The following SHISA8 variants were observed in gnomAD, a reference collection of about 807,000 sequenced individuals.
SHISA8 encodes shisa family member 8.
A neutral mutation model predicts 21.1 loss-of-function variants in SHISA8; 21 were observed. That is an observed-to-expected ratio of 0.99 (90% CI 0.71 to 1.43). The LOEUF (loss-of-function observed/expected upper bound fraction) is 1.43. Ranked by LOEUF, SHISA8 falls within the 40% of genes most tolerant of loss-of-function variation. The pLI is 0.00. For synonymous variants in SHISA8, 300 were observed against 291.4 expected (o/e 1.03, Z -0.30); for missense variants, 535 against 599.1 (o/e 0.89, Z 1.12).
chr22:41,909,593 T>G lies in SHISA8; in HGVS notation c.*172A>C. The G allele has an allele frequency of 1.2e-6, 1 of 847,370 alleles. No individual in the cohort carries two copies. The highest frequency in any genetic ancestry group is 1.6e-6 in the Non-Finnish European group (1 of 619,412). 52.5% of individuals were successfully genotyped at this position (847,370 alleles called of 1,614,324 possible). ...TTTATTCTCAGGGGCAGGAACCACATAAAAGGGCTTATTTACAAGACGAAC... is the reference window on the plus strand; with the variant it reads ...TTTATTCTCAGGGGCAGGAACCACAGAAAAGGGCTTATTTACAAGACGAAC... On this transcript the variant is annotated 3_prime_UTR_variant, in exon 4 of 4. Coordinates refer to ENST00000621082, the MANE Select transcript of SHISA8 (RefSeq NM_001207020.3).
At position 41,909,596 on chromosome 22, in the gene SHISA8, AAG is replaced by A; in HGVS notation, c.*167_*168del. 1.1e-6 allele frequency: 1 copy of A among 874,210 alleles called. No homozygotes were observed. The highest frequency in any genetic ancestry group is 3.3e-5 in the East Asian group (1 of 30,392). 54.2% of individuals were successfully genotyped at this position (874,210 alleles called of 1,614,324 possible). On this transcript the variant is annotated 3_prime_UTR_variant, in exon 4 of 4. Transcript: ENST00000621082. The stretch of plus-strand genomic sequence containing the variant: ...ATTCTCAGGGGCAGGAACCACATAA[AAG>A]GGCTTATTTACAAGACGAACCCGCG...
chr22:41,913,143 G>A (rs2077562597), intron 1 of SHISA8, among the ~76,000 whole-genome samples: 1 of 152,248 alleles, frequency 6.6e-6, no homozygotes, highest in African/African-American at 2.4e-5. Flanking sequence ...GAGAAAGTGG[G>A]CTACGTGGTT....
intron 1 of SHISA8, among the ~76,000 whole-genome samples, chr22:41,913,326 T>G (rs1375743986): frequency 6.6e-6 from 1 of 152,234 alleles, no homozygotes; most frequent in East Asian, 1.9e-4. Context: ...CAAAGGGTGC[T>G]GGGACCGGGT....
chr22:41,912,605 G>A (rs2077559719), intron 1 of SHISA8, among the ~76,000 whole-genome samples: 1 of 152,138 alleles, frequency 6.6e-6, no homozygotes. Context: ...CCTCTGAGAA[G>A]CCTTCCCTGG....
chr22:41,914,681 C>T lies in SHISA8; in HGVS notation c.-14G>A, dbSNP rs1011071974. On this transcript the variant is annotated 5_prime_UTR_variant, in exon 1 of 4. Coordinates refer to ENST00000621082, the MANE Select transcript of SHISA8 (RefSeq NM_001207020.3). The surrounding 1 kb of genome is among the most constrained non-coding windows in gnomAD (Gnocchi z 6.8). ...GGCCCGCGCCATCGGGCCCGCGCCT[C>T]CCGCTACTGCGCCCGGTGCATGGCC... The T allele has an allele frequency of 1.1e-4, 116 of 1,016,830 alleles. 2 individuals are homozygous for T. Among genetic ancestry groups the T allele is most frequent in the Non-Finnish European group, 1.1e-5 (9 of 852,240 alleles). The allele number at this position is 1,016,830 out of a possible 1,614,324, so 63.0% of individuals were successfully genotyped here. A position where few individuals can be genotyped will look rare whatever the true frequency, so the allele number is the denominator to read the frequency against.
At chr22:41,911,155 C>T in intron 2 of SHISA8, 61 bp downstream of exon 2, 2 of 1,251,930 alleles carry the variant, frequency 1.6e-6, no homozygotes, top group Non-Finnish European at 2.0e-6. Context: ...GACCGCCTCT[C>T]GGCCTCTCAC....
rs1255674474 is a variant in SHISA8 at position 41,914,999 on chromosome 22, G to T, written c.-332C>A. Reference sequence around the variant, plus strand: ...GGCAGGTGTGCGGGTCTTGGCCCTAGCGGAGGCCGCGCCGGGGCCGCGGGC... The same window carrying T: ...GGCAGGTGTGCGGGTCTTGGCCCTATCGGAGGCCGCGCCGGGGCCGCGGGC... On this transcript the variant is annotated 5_prime_UTR_variant, in exon 1 of 4. Coordinates refer to ENST00000621082, the MANE Select transcript of SHISA8 (RefSeq NM_001207020.3). The surrounding 1 kb of genome is among the most constrained non-coding windows in gnomAD (Gnocchi z 6.8). Among the ~76,000 whole-genome samples the T allele has an allele frequency of 6.6e-6, 1 of 151,792 alleles. No homozygotes were observed. The highest frequency in any genetic ancestry group is 2.4e-5 in the African/African-American group (1 of 41,376).
Position 41,914,414 on chromosome 22 carries a change from C to T in SHISA8, c.254G>A (p.Cys85Tyr), listed in dbSNP as rs1331739706. The T allele has an allele frequency of 1.5e-6, 2 of 1,349,596 alleles. No individual in the cohort carries two copies. Among genetic ancestry groups the T allele is most frequent in the Non-Finnish European group, 9.5e-7 (1 of 1,048,134 alleles). The allele number at this position is 1,349,596 out of a possible 1,614,324, so 83.6% of individuals were successfully genotyped here. A position where few individuals can be genotyped will look rare whatever the true frequency, so the allele number is the denominator to read the frequency against. ...NCSSGAYSFC[C>Y]GTCGYRFCCH... The stretch of plus-strand genomic sequence containing the variant: ...GCAGAAGCGGTAGCCGCACGTGCCG[C>T]AGCAGAAGCTGTAGGCTCCGGAGCT... The change falls in exon 1 of 4, where the codon TGC becomes TAC. Residue 85 changes from cysteine (C) to tyrosine (Y), a missense_variant. Transcript: ENST00000621082. The surrounding 1 kb of genome is among the most constrained non-coding windows in gnomAD (Gnocchi z 6.8).
intron 1 of SHISA8, among the ~76,000 whole-genome samples, chr22:41,912,917 C>T (rs1292794870): frequency 2.0e-5 from 3 of 152,236 alleles, no homozygotes; most frequent in Non-Finnish European, 2.9e-5. Flanking sequence ...ACCATCGCAG[C>T]CCTAAGTTCC....
chr22:41,911,182 C>A, intron 2 of SHISA8, 34 bp downstream of exon 2: 2 of 1,258,594 alleles, frequency 1.6e-6, no homozygotes, highest in Non-Finnish European at 1.0e-6. Flanking sequence ...CCGCGTGCTC[C>A]GCCGCCGCTC....
Position 41,911,217 on chromosome 22 carries a change from T to G in SHISA8, c.663A>C (p.Ala221=). 7.8e-7 allele frequency: 1 copy of G among 1,280,684 alleles called. No homozygotes were observed. Among genetic ancestry groups the G allele is most frequent in the Non-Finnish European group, 9.8e-7 (1 of 1,015,458 alleles). 79.3% of individuals were successfully genotyped at this position (1,280,684 alleles called of 1,614,324 possible). The change falls in exon 2 of 4, where the codon GCA becomes GCC. Residue 221 remains alanine, a splice_region_variant and synonymous_variant. Transcript: ENST00000621082. The part of the protein sequence containing the change: ...GLPRGSPHNS[A]DKKRLNNAPR... ...CAGCCCCGCCCGCCACCGACTCACC[T>G]GCGCTGTTGTGGGGGGAGCCCCGGG...
rs1404443133 is a variant in SHISA8 at position 41,910,586 on chromosome 22, G to A, written c.665-32C>T. On this transcript the variant is annotated intron_variant, in intron 2 of 3. Coordinates refer to ENST00000621082, the MANE Select transcript of SHISA8 (RefSeq NM_001207020.3). This position sits in a 1 kb window ranked among gnomAD's most constrained non-coding sequence, Gnocchi z 6.8. ...CGAGGAGTGAGACGCGGCTCGGTCC[G>A]ATGCCCCGGTTCACTCCGCCCTCGC... 1.6e-5 allele frequency: 20 copies of A among 1,218,696 alleles called. No homozygotes were observed. Among genetic ancestry groups the A allele is most frequent in the South Asian group, 4.1e-5 (1 of 24,378 alleles). The allele number at this position is 1,218,696 out of a possible 1,614,324, so 75.5% of individuals were successfully genotyped here. A position where few individuals can be genotyped will look rare whatever the true frequency, so the allele number is the denominator to read the frequency against.
Position 41,910,918 on chromosome 22 carries a change from C to G in SHISA8, c.664+298G>C, listed in dbSNP as rs1458047933. ...GGGGCTGCCAAGCCTGCCTGCCTCT[C>G]GAGAGACCCAGGGGGAGGCTCTGGA... On this transcript the variant is annotated intron_variant, in intron 2 of 3. Coordinates refer to ENST00000621082, the MANE Select transcript of SHISA8 (RefSeq NM_001207020.3). This position sits in a 1 kb window ranked among gnomAD's most constrained non-coding sequence, Gnocchi z 6.8. 1.3e-5 allele frequency among the ~76,000 whole-genome samples: 2 copies of G among 152,110 alleles called. No homozygotes were observed. The highest frequency in any genetic ancestry group is 3.9e-4 in the East Asian group (2 of 5,168).
chr22:41,911,134 C>T, intron 2 of SHISA8, 82 bp downstream of exon 2: 2 of 1,241,988 alleles, frequency 1.6e-6, no homozygotes, highest in Non-Finnish European at 2.0e-6. Context: ...GCCTCTATGC[C>T]CCAGCCGAGG....
In SHISA8 at chr22:41,910,529, G is replaced by A; in HGVS notation, c.690C>T (p.Pro230=). The change falls in exon 3 of 4, where the codon CCC becomes CCT. Residue 230 remains proline (P), a synonymous_variant. Transcript: ENST00000621082. This position sits in a 1 kb window ranked among gnomAD's most constrained non-coding sequence, Gnocchi z 6.8. ...GGGGCCCCGGGGCGGCCGACCCCCG[G>A]GGCGCGTTGTTGAGGCGCTTCTTGT... ...SADKKRLNNA[P]RGSAAPGPPR... is the part of the protein sequence containing the mutation. 1 of 1,242,870 alleles carries A rather than the reference G, an allele frequency of 8.0e-7. No homozygotes were observed. The highest frequency in any genetic ancestry group is 3.2e-5 in the East Asian group (1 of 31,128). The allele number at this position is 1,242,870 out of a possible 1,614,324, so 77.0% of individuals were successfully genotyped here. A position where few individuals can be genotyped will look rare whatever the true frequency, so the allele number is the denominator to read the frequency against.
Position 41,914,172 on chromosome 22 carries a change from C to G in SHISA8, c.496G>C (p.Ala166Pro). 2.1e-6 allele frequency: 3 copies of G among 1,462,042 alleles called. No homozygotes were observed. The highest frequency in any genetic ancestry group is 2.7e-6 in the Non-Finnish European group (3 of 1,116,502). 90.6% of individuals were successfully genotyped at this position (1,462,042 alleles called of 1,614,324 possible). ...GTGCGCCGCGCGCGCGGGCTGTGCG[C>G]CCTCTCCAGTCCCAGGCGCGCCCCG... ...GIGARLGLER[A>P]HSPRARRTVT... is the part of the protein sequence containing the mutation. Residue 166 changes from alanine to proline, a missense_variant, in exon 1 of 4, where the codon GCG (alanine) becomes CCG (proline). Ala to Pro is a conservative substitution (Grantham distance 27). Coordinates refer to ENST00000621082, the MANE Select transcript of SHISA8 (RefSeq NM_001207020.3). This position sits in a 1 kb window ranked among gnomAD's most constrained non-coding sequence, Gnocchi z 6.8.
chr22:41,911,634 G>C (rs2077554160), intron 1 of SHISA8, among the ~76,000 whole-genome samples: 1 of 151,878 alleles, frequency 6.6e-6, no homozygotes, highest in African/African-American at 2.4e-5. Context: ...ACCTTCCCCA[G>C]GTGAGCCTCC....
chr22:41,914,588 G>C lies in SHISA8; in HGVS notation c.80C>G (p.Ala27Gly). The C allele has an allele frequency of 1.8e-6, 2 of 1,126,516 alleles. No individual in the cohort carries two copies. Among genetic ancestry groups the C allele is most frequent in the Non-Finnish European group, 2.2e-6 (2 of 922,348 alleles). The allele number at this position is 1,126,516 out of a possible 1,614,324, so 69.8% of individuals were successfully genotyped here. The change falls in exon 1 of 4, where the codon GCG (alanine) becomes GGG (glycine). Residue 27 changes from alanine (A) to glycine (G), a missense_variant. Coordinates refer to ENST00000621082, the MANE Select transcript of SHISA8 (RefSeq NM_001207020.3). The surrounding 1 kb of genome is among the most constrained non-coding windows in gnomAD (Gnocchi z 6.8). ...CGACGGCGGCCGCGCCAGCAGCAACGCGAGCCGAAGCGCGAGCGCGAGCCG... is the reference window on the plus strand; with the variant it reads ...CGACGGCGGCCGCGCCAGCAGCAACCCGAGCCGAAGCGCGAGCGCGAGCCG... ...GLRLALALRL[A>G]LLLARPPSGR... is the part of the protein sequence containing the mutation.
In SHISA8 at chr22:41,909,768, C is replaced by G. The variant is rs112316432; in HGVS notation, c.1191G>C (p.Val397=). Residue 397 remains valine, a synonymous_variant, in exon 4 of 4, where the codon GTG becomes GTC. Transcript: ENST00000621082. The part of the protein sequence containing the change: ...LRTNSKTEVT[V] ...TCGAGGGCACCGCGGCCCCGCTTCA[C>G]ACGGTGACCTCGGTCTTGCTATTGG... The G allele has an allele frequency of 2.1e-6, 3 of 1,462,954 alleles. 1 individual carries two copies. The African/African-American group carries it at 4.4e-5, about 21-fold the overall frequency. The allele number at this position is 1,462,954 out of a possible 1,614,324, so 90.6% of individuals were successfully genotyped here.
Sources: allele counts gnomAD v4.1 joint callset (sites outside exome capture counted in the v4.1 genomes callset), GRCh38; gene constraint gnomAD v4.1.1; non-coding constraint Gnocchi (gnomAD v3.1); transcripts MANE v1.5; gene names NCBI Gene and HGNC (gene_info 2026-07-23, HGNC 2026-07-21).